The following ZNF263 variants were observed in gnomAD, a reference collection of about 807,000 sequenced individuals.
ZNF263 encodes the protein zinc finger protein FPM315.
A neutral mutation model predicts 63.1 loss-of-function variants in ZNF263; 49 were observed. The observed-to-expected ratio is 0.78, with a 90% CI of 0.62 to 0.99. ZNF263 has a LOEUF of 0.99. ZNF263 is among the 50% of genes least tolerant of loss of function. The probability of loss-of-function intolerance (pLI) is 0.00; values close to 1 mark genes in which losing one functional copy is unlikely to be tolerated. For missense variants in ZNF263, 872 were observed against 854.8 expected, an observed-to-expected ratio of 1.02 and a Z score of -0.25; for synonymous variants, 352 against 324.2, an observed-to-expected ratio of 1.09 and a Z score of -0.92.
Position 3,289,962 on chromosome 16 carries a change from G to A in ZNF263, c.1456G>A (p.Gly486Arg), listed in dbSNP as rs762460909. Residue 486 changes from glycine (G) to arginine (R), a missense_variant, in exon 6 of 6, where the codon GGG becomes AGG. Gly to Arg is a moderately radical substitution (Grantham distance 125, BLOSUM62 -2). Transcript: ENST00000219069. Reference protein sequence around the residue: ...NLHRHQRTHTGEKPYKCPECG... With the variant: ...NLHRHQRTHTREKPYKCPECG... The stretch of plus-strand genomic sequence containing the variant: ...CCACAGGCACCAGAGAACGCACACT[G>A]GGGAGAAGCCCTACAAGTGCCCTGA... 1.9e-6 allele frequency: 3 copies of A among 1,614,174 alleles called. No homozygotes were observed. The highest frequency in any genetic ancestry group is 2.5e-6 in the Non-Finnish European group (3 of 1,180,038).
Position 3,290,886 on chromosome 16 carries a change from A to T in ZNF263, c.*328A>T. ...GCACCTGACTGTCCAGTTTACCTTA[A>T]CAAGTTTGGGAATCCATGTGATGTT... On this transcript the variant is annotated 3_prime_UTR_variant, in exon 6 of 6. Coordinates refer to ENST00000219069, the MANE Select transcript of ZNF263 (RefSeq NM_005741.5). 1 of 1,054,644 alleles carries T rather than the reference A, an allele frequency of 9.5e-7. No individual in the cohort carries two copies. The highest frequency in any genetic ancestry group is 1.1e-6 in the Non-Finnish European group (1 of 872,004). 65.3% of individuals were successfully genotyped at this position (1,054,644 alleles called of 1,614,324 possible).
intron 3 of ZNF263, 40 bp downstream of exon 3, chr16:3,285,794 C>T: frequency 6.2e-7 from 1 of 1,605,938 alleles, no homozygotes; most frequent in South Asian, 1.1e-5. Context: ...CAGCACCCTT[C>T]CTCCCCTGAG....
downstream of ZNF263, among the ~76,000 whole-genome samples, chr16:3,293,923 CTT>C (rs1216260515): frequency 6.6e-6 from 1 of 152,168 alleles, no homozygotes; most frequent in Non-Finnish European, 1.5e-5. Flanking sequence ...AGGCTCAGCA[CTT>C]TTTTGTTTTG....
chr16:3,287,391 C>A (rs1959409200), intron 4 of ZNF263, among the ~76,000 whole-genome samples: 2 of 151,254 alleles, frequency 1.3e-5, no homozygotes, highest in Non-Finnish European at 2.9e-5. Flanking sequence ...CAGGTGTGAG[C>A]CACCACACCC....
At chr16:3,293,810 T>C (rs1422451868), downstream of ZNF263, among the ~76,000 whole-genome samples, 1 of 152,276 alleles carries the variant, frequency 6.6e-6, no homozygotes. Flanking sequence ...TTAAAAGCAC[T>C]GAATTTTTCA....
intron 1 of ZNF263, chr16:3,298,698 C>A (rs1959836875): frequency 4.0e-6 from 1 of 250,836 alleles, no homozygotes; most frequent in South Asian, 1.7e-4. Context: ...TGATTACAAA[C>A]TAATGCTTTT....
chr16:3,297,513 G>A (rs1201419821), intron 1 of ZNF263, among the ~76,000 whole-genome samples: 1 of 130,602 alleles, frequency 7.7e-6, no homozygotes, highest in Admixed American at 9.1e-5. Context: ...CGCCCAGGCT[G>A]GAGTGCAGTG....
intron 4 of ZNF263, 21 bp downstream of exon 4, chr16:3,286,170 G>A: frequency 4.4e-6 from 7 of 1,573,488 alleles, no homozygotes; most frequent in Non-Finnish European, 6.0e-6. Flanking sequence ...CTTTTCCAGG[G>A]ATGATGACTG....
rs997735066 is a variant in ZNF263 at position 3,290,922 on chromosome 16, C to T, written c.*364C>T. 1 of 1,015,858 alleles carries T rather than the reference C, an allele frequency of 9.8e-7. No homozygotes were observed. Among genetic ancestry groups the T allele is most frequent in the African/African-American group, 1.7e-5 (1 of 58,118 alleles). 62.9% of individuals were successfully genotyped at this position (1,015,858 alleles called of 1,614,324 possible). A position where few individuals can be genotyped will look rare whatever the true frequency, so the allele number is the denominator to read the frequency against. ...AATCCATGTGATGTTTTTGATACTT[C>T]TTCCTCATTTGGGACATTCAGTAGG... On this transcript the variant is annotated 3_prime_UTR_variant, in exon 6 of 6. Transcript: ENST00000219069.
At chr16:3,297,174 G>A (rs1196103692) in intron 1 of ZNF263, among the ~76,000 whole-genome samples, 1 of 151,486 alleles carries the variant, frequency 6.6e-6, no homozygotes, top group East Asian at 2.0e-4. Flanking sequence ...GCACGCGCCT[G>A]TAATCCCAGC....
Position 3,285,002 on chromosome 16 carries a change from A to T in ZNF263, c.388-57A>T, listed in dbSNP as rs186349897. On this transcript the variant is annotated intron_variant, in intron 1 of 5. Transcript: ENST00000219069. ...AGGTTTGCTCTCAGTATCCTATACTAATTTCCCTTCCTCTTGGGCCCTGTT... is the reference window on the plus strand; with the variant it reads ...AGGTTTGCTCTCAGTATCCTATACTTATTTCCCTTCCTCTTGGGCCCTGTT... The T allele has an allele frequency of 6.3e-6, 10 of 1,595,230 alleles. No individual in the cohort carries two copies. The Admixed American group carries it at 1.3e-4, about 21-fold the overall frequency.
chr16:3,290,285 T>C lies in ZNF263; in HGVS notation c.1779T>C (p.His593=). 1 of 1,613,846 alleles carries C rather than the reference T, an allele frequency of 6.2e-7. No individual in the cohort carries two copies. ...GGCAGGGCATGCACCTCACCAGACA[T>C]CAGAGAACACACACAGGAGAGAAAC... ...SFRQGMHLTR[H]QRTHTGEKPY... Residue 593 remains histidine, a synonymous_variant, in exon 6 of 6, where the codon CAT becomes CAC. Coordinates refer to ENST00000219069, the MANE Select transcript of ZNF263 (RefSeq NM_005741.5).
Position 3,288,469 on chromosome 16 carries a change from G to C in ZNF263, c.785G>C (p.Ser262Thr), listed in dbSNP as rs750327718. Residue 262 changes from serine to threonine, a missense_variant, in exon 5 of 6, where the codon AGT becomes ACT. Coordinates refer to ENST00000219069, the MANE Select transcript of ZNF263 (RefSeq NM_005741.5). ...NVDSLESHIP[S>T]QEVPGTQVGQ... The stretch of plus-strand genomic sequence containing the variant: ...TTGTGAACAGAGTCTCACATTCCCA[G>C]TCAGGAGGTCCCAGGCACCCAGGTG... 2.9e-5 allele frequency: 47 copies of C among 1,611,830 alleles called. No homozygotes were observed. In the East Asian group the frequency reaches 9.6e-4, roughly 33 times the overall value.
At chr16:3,299,242 G>T in intron 2 of ZNF263, 1 of 1,610,662 alleles carries the variant, frequency 6.2e-7, no homozygotes, top group Non-Finnish European at 8.5e-7. Flanking sequence ...AACTTCCTTT[G>T]TTATTCCACC....
chr16:3,295,459 C>G (rs1020994722), downstream of ZNF263, among the ~76,000 whole-genome samples: 1 of 152,218 alleles, frequency 6.6e-6, no homozygotes, highest in African/African-American at 2.4e-5. Context: ...CTCGCACGCA[C>G]AGCCGCAGGG....
In ZNF263 at chr16:3,290,433, A is replaced by G; in HGVS notation, c.1927A>G (p.Ser643Gly). 2 of 1,614,214 alleles carry G rather than the reference A, an allele frequency of 1.2e-6. No homozygotes were observed. Among genetic ancestry groups the G allele is most frequent in the Non-Finnish European group, 1.7e-6 (2 of 1,180,044 alleles). Residue 643 changes from serine to glycine, a missense_variant, in exon 6 of 6, where the codon AGC becomes GGC. Ser to Gly is a moderately conservative substitution (Grantham distance 56, BLOSUM62 0). Transcript: ENST00000219069. Reference sequence around the variant, plus strand: ...TGAGTGCGGAGACAGCTTCTCTCACAGCTCCAATCGGATTCGCCACCTGAG... The same window carrying G: ...TGAGTGCGGAGACAGCTTCTCTCACGGCTCCAATCGGATTCGCCACCTGAG... ...CHECGDSFSHSSNRIRHLRTH... is the reference protein window; with the variant it reads ...CHECGDSFSHGSNRIRHLRTH...
intron 2 of ZNF263, chr16:3,299,633 G>C (rs1959874630): frequency 6.4e-7 from 1 of 1,564,500 alleles, no homozygotes; most frequent in East Asian, 2.3e-5. Context: ...TTCATTGGTT[G>C]AATCAAGGTT....
intron 4 of ZNF263, among the ~76,000 whole-genome samples, chr16:3,287,588 T>C (rs1296855582): frequency 6.6e-6 from 1 of 152,060 alleles, no homozygotes; most frequent in Non-Finnish European, 1.5e-5. Context: ...TGAGAGATGC[T>C]AAATAGGAAA....
chr16:3,290,536 A>G lies in ZNF263; in HGVS notation c.2030A>G (p.His677Arg), dbSNP rs1490038505. 1 of 1,612,256 alleles carries G rather than the reference A, an allele frequency of 6.2e-7. No homozygotes were observed. The highest frequency in any genetic ancestry group is 8.5e-7 in the Non-Finnish European group (1 of 1,179,114). Residue 677 changes from histidine (H) to arginine (R), a missense_variant, in exon 6 of 6, where the codon CAT becomes CGT. Physicochemically the swap from His to Arg is conservative, Grantham distance 29. Transcript: ENST00000219069. ...SFSRSSRLMS[H>R]QRTHTG ...TCTCGGAGTTCCCGTCTTATGAGTC[A>G]TCAGAGAACTCACACAGGTTAGTAA...
Sources: gnomAD v4.1 joint callset for allele counts (sites outside exome capture counted in the v4.1 genomes callset) on GRCh38, gnomAD v4.1.1 for gene constraint, MANE v1.5 for transcripts, NCBI Gene and HGNC (gene_info 2026-07-23, HGNC 2026-07-21) for gene names.